TMEM117: variants seen among roughly 807,000 people sequenced by gnomAD.
TMEM117 encodes the protein transmembrane protein 117.
Under a neutral mutation model 52.4 loss-of-function variants are expected in TMEM117, and 27 were observed. That is an observed-to-expected ratio of 0.51 (90% CI 0.38 to 0.71). The LOEUF is 0.71. Among genes scored for constraint, TMEM117 ranks in the 30% least tolerant of loss-of-function variants. TMEM117 has a pLI of 0.00. For missense variants in TMEM117, 556 were observed against 630.5 expected (o/e 0.88, Z 1.26); for synonymous variants, 215 against 206.3 (o/e 1.04, Z -0.36).
chr12:44,312,471 G>C (rs1361458043), intron 6 of TMEM117, among the ~76,000 whole-genome samples: 3 of 152,096 alleles, frequency 2.0e-5, no homozygotes, highest in Non-Finnish European at 4.4e-5. Context: ...TAATATTCCA[G>C]GGTGTACATG....
intron 5 of TMEM117, among the ~76,000 whole-genome samples, chr12:44,236,611 G>T (rs2138467836): frequency 6.6e-6 from 1 of 152,184 alleles, no homozygotes; most frequent in South Asian, 2.1e-4. Context: ...TTGAGTGAAT[G>T]TTTCTATTGG....
At chr12:44,076,151 C>T (rs565161548) in intron 3 of TMEM117, among the ~76,000 whole-genome samples, 1 of 152,236 alleles carries the variant, frequency 6.6e-6, no homozygotes, top group African/African-American at 2.4e-5. Context: ...TGAGAAATTG[C>T]CTTCATTCTC....
chr12:43,844,321 G>A (rs1011671399), intron 1 of TMEM117, among the ~76,000 whole-genome samples: 2 of 152,330 alleles, frequency 1.3e-5, no homozygotes, highest in Middle Eastern at 6.8e-3. Context: ...GCCTCTACAT[G>A]TCATCTTGGT....
intron 5 of TMEM117, among the ~76,000 whole-genome samples, chr12:44,257,690 T>C (rs951013035): frequency 3.3e-5 from 5 of 152,136 alleles, no homozygotes; most frequent in African/African-American, 1.2e-4. Flanking sequence ...TAGATCCCAC[T>C]TGACACCCAT....
At chr12:44,084,210 G>A (rs1947529689) in intron 3 of TMEM117, among the ~76,000 whole-genome samples, 1 of 151,884 alleles carries the variant, frequency 6.6e-6, no homozygotes, top group African/African-American at 2.4e-5. Flanking sequence ...ATTTATTATT[G>A]GAACAAGGGG....
chr12:44,196,988 T>A (rs550189208), intron 4 of TMEM117, among the ~76,000 whole-genome samples: 1 of 152,296 alleles, frequency 6.6e-6, no homozygotes, highest in Admixed American at 6.5e-5. Context: ...CCTACAGATT[T>A]GGGTTTGTCA....
At chr12:44,271,109 G>T (rs916858034) in intron 5 of TMEM117, among the ~76,000 whole-genome samples, 1 of 151,800 alleles carries the variant, frequency 6.6e-6, no homozygotes, top group African/African-American at 2.4e-5. Flanking sequence ...TGTTCATCAG[G>T]GATATTGGTC....
chr12:44,239,888 A>C (rs1302140954), intron 5 of TMEM117, among the ~76,000 whole-genome samples: 1 of 152,018 alleles, frequency 6.6e-6, no homozygotes, highest in Non-Finnish European at 1.5e-5. Flanking sequence ...ACTTTTTTTT[A>C]AATTTCAGTT....
intron 3 of TMEM117, among the ~76,000 whole-genome samples, chr12:43,947,369 C>T (rs142268004): frequency 6.0e-4 from 91 of 152,136 alleles, no homozygotes; most frequent in African/African-American, 2.2e-3. Context: ...ATTAAATCAC[C>T]ATTTATAAAA....
chr12:44,040,893 C>T (rs1033244720), intron 3 of TMEM117, among the ~76,000 whole-genome samples: 3 of 151,952 alleles, frequency 2.0e-5, no homozygotes, highest in African/African-American at 4.8e-5. Flanking sequence ...TACTATATAA[C>T]GAAGATGTTC....
intron 5 of TMEM117, among the ~76,000 whole-genome samples, chr12:44,213,769 T>G (rs1273737749): frequency 5.3e-5 from 8 of 152,220 alleles, no homozygotes; most frequent in Non-Finnish European, 7.3e-5. Flanking sequence ...ACGTGTTTGC[T>G]TCCCCTTCAG....
At chr12:44,178,320 T>A (rs1181690656) in intron 4 of TMEM117, among the ~76,000 whole-genome samples, 1 of 152,228 alleles carries the variant, frequency 6.6e-6, no homozygotes, top group Non-Finnish European at 1.5e-5. Context: ...CTATCTAATT[T>A]GTTTACTGGC....
chr12:44,095,849 G>A (rs542166201), intron 3 of TMEM117, among the ~76,000 whole-genome samples: 16 of 152,218 alleles, frequency 1.1e-4, no homozygotes, highest in Non-Finnish European at 2.1e-4. Context: ...TCAACATAGT[G>A]TTGGAAGTTC....
At chr12:44,369,570 A>G (rs1951834827) in intron 6 of TMEM117, among the ~76,000 whole-genome samples, 2 of 152,242 alleles carry the variant, frequency 1.3e-5, no homozygotes, top group South Asian at 2.1e-4. Flanking sequence ...AAACAATCCT[A>G]TAAAATAGAT....
intron 5 of TMEM117, among the ~76,000 whole-genome samples, chr12:44,289,550 CTT>C (rs60675070): frequency 0.059 from 7,126 of 121,500 alleles, 371 homozygotes; most frequent in African/African-American, 0.22. Flanking sequence ...TTTCTTTTCT[CTT>C]TTTTTTTTTT....
chr12:43,843,178 T>C (rs1943144174), intron 1 of TMEM117, among the ~76,000 whole-genome samples: 1 of 152,080 alleles, frequency 6.6e-6, no homozygotes, highest in South Asian at 2.1e-4. Context: ...TTCCCCCTCT[T>C]CCCCCTCTTC....
chr12:44,076,365 A>G (rs982845008), intron 3 of TMEM117, among the ~76,000 whole-genome samples: 2 of 152,194 alleles, frequency 1.3e-5, no homozygotes, highest in African/African-American at 4.8e-5. Context: ...TTGGATTTCA[A>G]TGACATATAT....
chr12:43,977,544 G>T (rs1187750344), intron 3 of TMEM117, among the ~76,000 whole-genome samples: 1 of 152,098 alleles, frequency 6.6e-6, no homozygotes, highest in Non-Finnish European at 1.5e-5. Flanking sequence ...TTAGCAAAGT[G>T]CTTTTCTATA....
At chr12:43,907,284 T>C (rs1172445472) in intron 2 of TMEM117, among the ~76,000 whole-genome samples, 1 of 151,488 alleles carries the variant, frequency 6.6e-6, no homozygotes, top group African/African-American at 2.4e-5. Context: ...CAGCCGAGGG[T>C]CCTGTCTGTT....
Sources: gnomAD v4.1 joint callset for allele counts (sites outside exome capture counted in the v4.1 genomes callset) on GRCh38, gnomAD v4.1.1 for gene constraint, MANE v1.5 for transcripts, NCBI Gene and HGNC (gene_info 2026-07-23, HGNC 2026-07-21) for gene names.